MBTPS1: variants seen among roughly 807,000 people sequenced by gnomAD.
MBTPS1 encodes the protein membrane bound transcription factor peptidase, site 1, also known as membrane-bound transcription factor site-1 protease.
A neutral mutation model predicts 127.8 loss-of-function variants in MBTPS1; 94 were observed. The ratio of observed to expected loss-of-function variants is 0.74; its 90% CI spans 0.62 to 0.87. The LOEUF (loss-of-function observed/expected upper bound fraction) is 0.87. Ranked by LOEUF, MBTPS1 falls within the 40% of genes least tolerant of loss-of-function variation. MBTPS1 has a pLI of 0.00. For missense variants in MBTPS1, 1,636 were observed against 1,353.2 expected, an observed-to-expected ratio of 1.21 and a Z score of -3.28; for synonymous variants, 632 against 509.4, an observed-to-expected ratio of 1.24 and a Z score of -3.24.
chr16:84,092,900 G>C (rs1262204847), intron 6 of MBTPS1, among the ~76,000 whole-genome samples: 2 of 152,186 alleles, frequency 1.3e-5, no homozygotes, highest in Non-Finnish European at 2.9e-5. Context: ...CAGAGGCCTG[G>C]GGAAGCCTGG....
rs759742244 is a variant in MBTPS1, at chr16:84,063,389, G to C, written c.2488C>G (p.Leu830Val). 77 of 1,614,046 alleles carry C rather than the reference G, an allele frequency of 4.8e-5. No individual in the cohort carries two copies. The South Asian group carries it at 8.0e-4, about 17-fold the overall frequency. The change falls in exon 19 of 23, where the codon CTT (leucine) becomes GTT (valine). Residue 830 changes from leucine (L) to valine (V), a missense_variant. Transcript: ENST00000343411. Reference protein sequence around the residue: ...AVVENVPILGLYQIPAEGGGR... With the variant: ...AVVENVPILGVYQIPAEGGGR... ...CCACCCTCAGCTGGAATCTGATAAA[G>C]TCCCAAAATGGGGACGTTTTCAACA... is the stretch of plus-strand genomic sequence containing the variant.
chr16:84,075,677 T>C (rs2085845322), intron 11 of MBTPS1: 1 of 152,248 alleles, frequency 6.6e-6, no homozygotes, highest in African/African-American at 2.4e-5. Flanking sequence ...AGGAGTACTT[T>C]TTATTAGTTT....
chr16:84,084,845 G>C (rs2085996778), intron 10 of MBTPS1, 138 bp downstream of exon 10: 1 of 777,630 alleles, frequency 1.3e-6, no homozygotes, highest in Non-Finnish European at 2.0e-6. Flanking sequence ...TGAAGAAGGA[G>C]AGACAGAGCA....
chr16:84,095,388 G>C (rs565087421), intron 4 of MBTPS1, among the ~76,000 whole-genome samples: 25 of 152,348 alleles, frequency 1.6e-4, no homozygotes, highest in African/African-American at 6.0e-4. Flanking sequence ...CACAGAAACA[G>C]ATGCCTGGCA....
intron 16 of MBTPS1, among the ~76,000 whole-genome samples, chr16:84,067,035 C>T (rs2085695112): frequency 6.6e-6 from 1 of 151,952 alleles, no homozygotes; most frequent in South Asian, 2.1e-4. Flanking sequence ...GGACATTATT[C>T]CCTTTGAGTA....
At chr16:84,062,854 G>A (rs574731565) in intron 19 of MBTPS1, among the ~76,000 whole-genome samples, 4 of 152,288 alleles carry the variant, frequency 2.6e-5, no homozygotes, top group Admixed American at 6.5e-5. Flanking sequence ...AGAAAAGCCC[G>A]AATTCCAGGT....
intron 5 of MBTPS1, among the ~76,000 whole-genome samples, 198 bp from the exon 6 acceptor site, chr16:84,093,495 G>A (rs185435766): frequency 5.2e-4 from 79 of 152,134 alleles, no homozygotes; most frequent in African/African-American, 1.9e-3. Flanking sequence ...ACGCTCTCCG[G>A]GACAGGGAGC....
rs1241986646 is a variant in MBTPS1 at position 84,116,860 on chromosome 16, G to T, written c.-450C>A. 6.6e-6 allele frequency: 1 copy of T among 152,280 alleles called. No homozygotes were observed. The highest frequency in any genetic ancestry group is 1.5e-5 in the Non-Finnish European group (1 of 68,094). 9.4% of individuals were successfully genotyped at this position (152,280 alleles called of 1,614,324 possible). Reference sequence around the variant, plus strand: ...CGCGAGACTGGGCGACCGGGCCAGCGAGGCCCACAGCTGGGAGCCTCAGCT... The same window carrying T: ...CGCGAGACTGGGCGACCGGGCCAGCTAGGCCCACAGCTGGGAGCCTCAGCT... On this transcript the variant is annotated 5_prime_UTR_variant, in exon 1 of 23. Transcript: ENST00000343411.
chr16:84,111,269 G>C (rs1052547334), intron 1 of MBTPS1, among the ~76,000 whole-genome samples: 21 of 152,264 alleles, frequency 1.4e-4, no homozygotes, highest in Admixed American at 9.8e-4. Flanking sequence ...GCTGGGCACA[G>C]TGGCTCACGC....
chr16:84,083,987 T>C (rs183429236), intron 10 of MBTPS1, among the ~76,000 whole-genome samples: 1 of 152,210 alleles, frequency 6.6e-6, no homozygotes, highest in Non-Finnish European at 1.5e-5. Flanking sequence ...TGAGACAGAG[T>C]GTTGCTCTGT....
intron 1 of MBTPS1, among the ~76,000 whole-genome samples, chr16:84,109,913 T>C (rs2086376032): frequency 6.6e-6 from 1 of 152,164 alleles, no homozygotes; most frequent in South Asian, 2.1e-4. Flanking sequence ...ATACACCCAC[T>C]AAAACACCGG....
chr16:84,063,434 A>G lies in MBTPS1; in HGVS notation c.2443T>C (p.Leu815=), dbSNP rs1451364551. 6.2e-7 allele frequency: 1 copy of G among 1,614,004 alleles called. No homozygotes were observed. The highest frequency in any genetic ancestry group is 1.3e-5 in the African/African-American group (1 of 74,936). Reference sequence around the variant, plus strand: ...TCAACAACTGCTGTTTCCTGCTTTAAAACCTCCAATCCTGAAACAACACAA... The same window carrying G: ...TCAACAACTGCTGTTTCCTGCTTTAGAACCTCCAATCCTGAAACAACACAA... ...QTFKDQGLEV[L]KQETAVVENV... The change falls in exon 19 of 23, where the codon TTA becomes CTA. Residue 815 remains leucine (L), a synonymous_variant. Transcript: ENST00000343411.
At position 84,099,073 on chromosome 16, in the gene MBTPS1, C is replaced by A. The variant is rs761436859; in HGVS notation, c.401G>T (p.Arg134Leu). 1.2e-6 allele frequency: 2 copies of A among 1,613,970 alleles called. No homozygotes were observed. Among genetic ancestry groups the A allele is most frequent in the Admixed American group, 1.7e-5 (1 of 59,990 alleles). Residue 134 changes from arginine to leucine, a missense_variant, in exon 3 of 23, where the codon CGT becomes CTT. Coordinates refer to ENST00000343411, the MANE Select transcript of MBTPS1 (RefSeq NM_003791.4). ...CTCACATTCAGCATACTTGAGGGAA[C>A]GAAAGACTTTTCGTTGGGGCGTGAC... Reference protein sequence around the residue: ...KRVTPQRKVFRSLKYAESDPT... With the variant: ...KRVTPQRKVFLSLKYAESDPT...
intron 12 of MBTPS1, among the ~76,000 whole-genome samples, chr16:84,072,482 G>T (rs987244233): frequency 6.6e-6 from 1 of 152,106 alleles, no homozygotes; most frequent in East Asian, 1.9e-4. Context: ...AACACTAATG[G>T]AATAAAAACA....
At position 84,116,936 on chromosome 16, in the gene MBTPS1, G is replaced by A. The variant is rs2086492397; in HGVS notation, c.-526C>T. On this transcript the variant is annotated 5_prime_UTR_variant, in exon 1 of 23. Transcript: ENST00000343411. ...TCCCGCGCTCCCGGGGCTTGCGTGC[G>A]CGCTCTGGACGCCGTGGGCAGCGGG... is the stretch of plus-strand genomic sequence containing the variant. 1 of 152,230 alleles carries A rather than the reference G, an allele frequency of 6.6e-6. No homozygotes were observed. The highest frequency in any genetic ancestry group is 1.5e-5 in the Non-Finnish European group (1 of 68,044). The allele number at this position is 152,230 out of a possible 1,614,324, so 9.4% of individuals were successfully genotyped here. A position where few individuals can be genotyped will look rare whatever the true frequency, so the allele number is the denominator to read the frequency against.
chr16:84,093,448 C>T, intron 5 of MBTPS1, 151 bp from the exon 6 acceptor site: 1 of 657,586 alleles, frequency 1.5e-6, no homozygotes, highest in Non-Finnish European at 2.7e-6. Context: ...CCTTAGACGT[C>T]ACTGGCACAA....
At chr16:84,081,663 G>C (rs1184384996) in intron 11 of MBTPS1, 84 bp downstream of exon 11, 3 of 1,097,278 alleles carry the variant, frequency 2.7e-6, no homozygotes, top group Non-Finnish European at 3.6e-6. Context: ...TTTCTGTTTT[G>C]AGGCTTGTAT....
At position 84,093,786 on chromosome 16, in the gene MBTPS1, G is replaced by C; in HGVS notation, c.661C>G (p.Leu221Val). 1.2e-6 allele frequency: 2 copies of C among 1,613,824 alleles called. No homozygotes were observed. The highest frequency in any genetic ancestry group is 8.5e-7 in the Non-Finnish European group (1 of 1,179,834). The change falls in exon 5 of 23, where the codon CTG becomes GTG. Residue 221 changes from leucine (L) to valine (V), a missense_variant. By Grantham distance (32) the Leu-to-Val change is conservative (BLOSUM62 1). Transcript: ENST00000343411. ...NVRVAVFDTG[L>V]SEKHPHFKNV... is the part of the protein sequence containing the mutation. ...TTGAAGTGGGGATGCTTCTCGCTCA[G>C]CCCAGTGTCAAAAACAGCAACTCTT...
At chr16:84,097,158 C>T (rs2086188877) in intron 3 of MBTPS1, among the ~76,000 whole-genome samples, 1 of 152,120 alleles carries the variant, frequency 6.6e-6, no homozygotes, top group African/African-American at 2.4e-5. Flanking sequence ...AACAGATAGG[C>T]TTTGTCTTAT....
Sources: gnomAD v4.1 joint callset for allele counts (sites outside exome capture counted in the v4.1 genomes callset) on GRCh38, gnomAD v4.1.1 for gene constraint, MANE v1.5 for transcripts, NCBI Gene and HGNC (gene_info 2026-07-23, HGNC 2026-07-21) for gene names.